The following PDE4C variants were observed in gnomAD, a reference collection of about 807,000 sequenced individuals.
PDE4C encodes phosphodiesterase 4C, also known as 3',5'-cyclic-AMP phosphodiesterase 4C.
A neutral mutation model predicts 63.9 loss-of-function variants in PDE4C; 50 were observed. The ratio of observed to expected loss-of-function variants is 0.78; its 90% CI spans 0.62 to 0.99. PDE4C has a LOEUF of 0.99. Among genes scored for constraint, PDE4C ranks in the 50% least tolerant of loss-of-function variants. The probability of loss-of-function intolerance (pLI) is 0.00; values close to 1 mark genes in which losing one functional copy is unlikely to be tolerated. For synonymous variants in PDE4C, 377 were observed against 385.1 expected (o/e 0.98, Z 0.25); for missense variants, 777 against 899.1 (o/e 0.86, Z 1.74).
At chr19:18,235,561 C>G (rs904189831), upstream of PDE4C, among the ~76,000 whole-genome samples, 2 of 152,198 alleles carry the variant, frequency 1.3e-5, no homozygotes, top group Non-Finnish European at 2.9e-5. Flanking sequence ...ACCAGTATCT[C>G]CTGCCCAGAC....
At position 18,220,870 on chromosome 19, in the gene PDE4C, T is replaced by G; in HGVS notation, c.499+4A>C. 6.2e-7 allele frequency: 1 copy of G among 1,607,682 alleles called. No individual in the cohort carries two copies. Among genetic ancestry groups the G allele is most frequent in the South Asian group, 1.1e-5 (1 of 89,116 alleles). ...GCGGGGGAGGGAAGGAACAGGTACT[T>G]TACCTGCAGGAGGGAGCTGATTGCT... On this transcript the variant is annotated splice_donor_region_variant and intron_variant, in intron 5 of 14. Transcript: ENST00000262805. This position sits in a 1 kb window ranked among gnomAD's most constrained non-coding sequence, Gnocchi z 5.1.
At chr19:18,233,221 G>T in exon 1 of PDE4C, 1 of 1,550,176 alleles carries the variant, frequency 6.5e-7, no homozygotes, top group East Asian at 2.4e-5. Flanking sequence ...GGGATAGCAG[G>T]GAGCAGGACT....
chr19:18,219,554 T>A (rs995110855), intron 7 of PDE4C, 157 bp from the exon 8 acceptor site: 4 of 780,030 alleles, frequency 5.1e-6, no homozygotes, highest in Non-Finnish European at 7.9e-6. Context: ...CCGGACGCAG[T>A]GGCTCACGCC....
exon 9 of PDE4C, chr19:18,218,992 G>T (rs772270728): frequency 1.9e-6 from 3 of 1,613,384 alleles, no homozygotes; most frequent in Non-Finnish European, 2.5e-6. Context: ...ACTTAGCTCC[G>T]CCACCTTGAA....
chr19:18,254,750 C>A, the PDE4C span, among the ~76,000 whole-genome samples: 1 of 152,066 alleles, frequency 6.6e-6, no homozygotes, highest in African/African-American at 2.4e-5. Context: ...AAGGCTCCTC[C>A]CCTCCACCCT....
chr19:18,240,946 G>T (rs544412929), intron 1 of PDE4C, among the ~76,000 whole-genome samples: 1 of 152,310 alleles, frequency 6.6e-6, no homozygotes, highest in African/African-American at 2.4e-5. Flanking sequence ...GAGAGAAAAT[G>T]ACCTGCTTGC....
At chr19:18,210,663 T>C (rs1439805470) in exon 15 of PDE4C, 9 of 373,874 alleles carry the variant, frequency 2.4e-5, no homozygotes, top group Admixed American at 2.1e-4. Flanking sequence ...CTCACAGGGA[T>C]AGAAGCCCAG....
intron 1 of PDE4C, among the ~76,000 whole-genome samples, chr19:18,223,802 T>C (rs1968599254): frequency 6.6e-6 from 1 of 152,232 alleles, no homozygotes; most frequent in South Asian, 2.1e-4. Context: ...AAACAGCTTC[T>C]TGGGCTCTTC....
rs1203272192 is a variant in PDE4C at position 18,219,794 on chromosome 19, G to A, written c.707-397C>T. The A allele has an allele frequency of 4.3e-5, 9 of 211,406 alleles. No individual in the cohort carries two copies. The South Asian group carries it at 4.6e-4, about 11-fold the overall frequency. The allele number at this position is 211,406 out of a possible 1,614,324, so 13.1% of individuals were successfully genotyped here. A position where few individuals can be genotyped will look rare whatever the true frequency, so the allele number is the denominator to read the frequency against. On this transcript the variant is annotated intron_variant, in intron 7 of 14. Coordinates refer to ENST00000262805, the Ensembl canonical transcript of PDE4C. ...GCTGAGATTGCACCACTGCACTCCC[G>A]CCTAGGCAACAAAGTGAAACTCTGT...
exon 4 of PDE4C, chr19:18,221,121 A>G (rs778932770): frequency 2.2e-6 from 3 of 1,363,444 alleles, no homozygotes; most frequent in South Asian, 1.2e-5. Flanking sequence ...GCTCCTAGGC[A>G]TTGCTGGCGG....
At chr19:18,225,192 G>T (rs1371570618) in intron 1 of PDE4C, among the ~76,000 whole-genome samples, 1 of 152,190 alleles carries the variant, frequency 6.6e-6, no homozygotes, top group East Asian at 1.9e-4. Flanking sequence ...GGAACGGCGC[G>T]GCTGCCCATT....
At chr19:18,219,022 T>C (rs1421697432) in exon 9 of PDE4C, 4 of 1,613,168 alleles carry the variant, frequency 2.5e-6, no homozygotes, top group South Asian at 2.2e-5. Context: ...TCCCCACTTG[T>C]TGGTGTCTTC....
chr19:18,249,769 C>T (rs964346457), upstream of PDE4C, among the ~76,000 whole-genome samples: 3 of 152,178 alleles, frequency 2.0e-5, no homozygotes, highest in South Asian at 2.1e-4. Flanking sequence ...GACAGAGTTT[C>T]GCCATGTTAG....
At chr19:18,254,409 G>A in the PDE4C span, among the ~76,000 whole-genome samples, 106 of 152,306 alleles carry the variant, frequency 7.0e-4, no homozygotes, top group Admixed American at 1.1e-3. Flanking sequence ...GCTGCTGAAG[G>A]GTTGACCAGA....
At chr19:18,232,800 C>T in intron 1 of PDE4C, 5 of 958,558 alleles carry the variant, frequency 5.2e-6, no homozygotes, top group Non-Finnish European at 7.3e-6. Context: ...TCCACCCCTA[C>T]GTAGAAATAG....
rs1969034438 is a variant in PDE4C, at chr19:18,241,323, G to GT, written c.-210+6847dup. On this transcript the variant is annotated intron_variant, in intron 1 of 15. Coordinates refer to the PDE4C transcript ENST00000594617. ...GCTCTGTCGCCCAGGCTGGAGTGCA[G>GT]TGGCGCGATCTCGGCTCACTGCAAG... 6.5e-5 allele frequency among the ~76,000 whole-genome samples: 8 copies of GT among 124,000 alleles called. No individual in the cohort carries two copies. The South Asian group carries it at 2.1e-3, about 33-fold the overall frequency. 81.3% of individuals were successfully genotyped at this position (124,000 alleles called of 152,430 possible). A position where few individuals can be genotyped will look rare whatever the true frequency, so the allele number is the denominator to read the frequency against.
chr19:18,241,239 T>C (rs1381390002), intron 1 of PDE4C, among the ~76,000 whole-genome samples: 1 of 149,596 alleles, frequency 6.7e-6, no homozygotes, highest in Admixed American at 6.8e-5. Context: ...TTTCTTTCTT[T>C]CTTTTTTCTT....
chr19:18,241,694 C>A (rs1969043377), intron 1 of PDE4C, among the ~76,000 whole-genome samples: 2 of 152,092 alleles, frequency 1.3e-5, no homozygotes, highest in Admixed American at 1.3e-4. Flanking sequence ...AGACTACAGT[C>A]ACACACCACA....
At chr19:18,215,109 G>T (rs1354077808) in intron 12 of PDE4C, among the ~76,000 whole-genome samples, 2 of 152,024 alleles carry the variant, frequency 1.3e-5, no homozygotes, top group South Asian at 4.1e-4. Context: ...CACCCTGTGG[G>T]TACCCACCAC....
Sources: gnomAD v4.1 joint callset for allele counts (sites outside exome capture counted in the v4.1 genomes callset) on GRCh38, gnomAD v4.1.1 for gene constraint, Gnocchi (gnomAD v3.1) non-coding constraint, MANE v1.5 for transcripts, NCBI Gene and HGNC (gene_info 2026-07-23, HGNC 2026-07-21) for gene names.